Variants in NRG2 observed in about 807,000 individuals in gnomAD.
The protein encoded by NRG2 is pro-neuregulin-2, membrane-bound isoform.
NRG2 carries 27 observed loss-of-function variants against 73.9 expected under a neutral mutation model. The ratio of observed to expected loss-of-function variants is 0.37; its 90% CI spans 0.27 to 0.50. The LOEUF (loss-of-function observed/expected upper bound fraction) is 0.50, where lower values mean the gene tolerates loss of function less well. Among genes scored for constraint, NRG2 ranks in the 20% least tolerant of loss-of-function variants. The pLI is 0.96. For missense variants in NRG2, 1,126 were observed against 1,210.1 expected (o/e 0.93, Z 1.03); for synonymous variants, 532 against 541.0 (o/e 0.98, Z 0.23).
At chr5:139,911,580 C>A (rs1750824315) in intron 1 of NRG2, among the ~76,000 whole-genome samples, 1 of 152,202 alleles carries the variant, frequency 6.6e-6, no homozygotes, top group Non-Finnish European at 1.5e-5. Context: ...CGGCATGGTA[C>A]CAGGCCCTGC....
intron 1 of NRG2, among the ~76,000 whole-genome samples, chr5:139,895,661 A>C (rs1164826532): frequency 6.6e-6 from 1 of 152,094 alleles, no homozygotes; most frequent in Non-Finnish European, 1.5e-5. Flanking sequence ...GCCTCAGTTG[A>C]CTCATTTATA....
At chr5:140,042,324 C>A in intron 1 of NRG2, 46 bp downstream of exon 1, 1 of 1,420,760 alleles carries the variant, frequency 7.0e-7, no homozygotes, top group Non-Finnish European at 9.4e-7. Flanking sequence ...TTCTCCACCA[C>A]CTCGCCCCTC....
In NRG2 at chr5:140,043,190, C is replaced by A. The variant is rs1285562688; in HGVS notation, c.-121G>T. The A allele has an allele frequency of 5.3e-5, 64 of 1,214,876 alleles. No homozygotes were observed. Among genetic ancestry groups the A allele is most frequent in the Non-Finnish European group, 6.8e-5 (62 of 905,598 alleles). The allele number at this position is 1,214,876 out of a possible 1,614,324, so 75.3% of individuals were successfully genotyped here. ...GCGCCTCTTAGCCCTCCACCGGCAGCCCGGGGAGGTGGCCCAGCTAGGGCA... is the reference window on the plus strand; with the variant it reads ...GCGCCTCTTAGCCCTCCACCGGCAGACCGGGGAGGTGGCCCAGCTAGGGCA... On this transcript the variant is annotated 5_prime_UTR_variant, in exon 1 of 10. Transcript: ENST00000361474. This position sits in a 1 kb window ranked among gnomAD's most constrained non-coding sequence, Gnocchi z 6.7.
At position 139,899,578 on chromosome 5, in the gene NRG2, G is replaced by T. The variant is rs564721655; in HGVS notation, c.701-12067C>A. ...TCCTGCCTATTTGTGCAGGCTCAAGGCCTCAGTGCTACCCTCCTCTGTCAG... is the reference window on the plus strand; with the variant it reads ...TCCTGCCTATTTGTGCAGGCTCAAGTCCTCAGTGCTACCCTCCTCTGTCAG... On this transcript the variant is annotated intron_variant, in intron 1 of 9. Coordinates refer to ENST00000361474, the MANE Select transcript of NRG2 (RefSeq NM_004883.3). Among the ~76,000 whole-genome samples the T allele has an allele frequency of 7.9e-5, 12 of 152,308 alleles. No homozygotes were observed. In the East Asian group the frequency reaches 1.9e-3, roughly 24 times the overall value.
In NRG2 at chr5:139,880,970, T is replaced by C; in HGVS notation, c.877A>G (p.Asn293Asp). 2 of 1,613,800 alleles carry C rather than the reference T, an allele frequency of 1.2e-6. No individual in the cohort carries two copies. Among genetic ancestry groups the C allele is most frequent in the Non-Finnish European group, 1.7e-6 (2 of 1,179,700 alleles). ...ACCTTGTTGAACTGTAGTCGTGAGT[T>C]CTTTCTGGTTAGGGAGGGGATAAAA... is the stretch of plus-strand genomic sequence containing the variant. The part of the protein sequence containing the change: ...IRIKYGNGRK[N>D]SRLQFNKVKV... Residue 293 changes from asparagine (N) to aspartate (D), a missense_variant, in exon 3 of 10, where the codon AAC becomes GAC. By Grantham distance (23) the Asn-to-Asp change is conservative. This residue lies in a region of NRG2 where 539 missense variants were observed against 703.2 expected (regional missense o/e 0.77). Transcript: ENST00000361474.
intron 1 of NRG2, among the ~76,000 whole-genome samples, chr5:140,022,757 T>C (rs2974422): frequency 0.62 from 93,814 of 152,118 alleles, 29,110 homozygotes; most frequent in East Asian, 0.82. Flanking sequence ...ATAAAGTGTT[T>C]AGAACAGTGC....
At chr5:139,881,429 T>C (rs1434325632) in intron 2 of NRG2, among the ~76,000 whole-genome samples, 1 of 152,176 alleles carries the variant, frequency 6.6e-6, no homozygotes, top group Non-Finnish European at 1.5e-5. Flanking sequence ...CGGATTCCCA[T>C]GGTGATGGTG....
chr5:139,905,229 G>T (rs961470724), intron 1 of NRG2, among the ~76,000 whole-genome samples: 1 of 152,110 alleles, frequency 6.6e-6, no homozygotes. Flanking sequence ...CCCCGCCCCG[G>T]TCCCACAAAC....
At chr5:140,025,513 T>A (rs940514226) in intron 1 of NRG2, among the ~76,000 whole-genome samples, 1 of 152,184 alleles carries the variant, frequency 6.6e-6, no homozygotes, top group African/African-American at 2.4e-5. Context: ...TACAGTAGTA[T>A]AAAAAACAGC....
chr5:139,964,300 G>A (rs1021329420), intron 1 of NRG2, among the ~76,000 whole-genome samples: 1 of 151,614 alleles, frequency 6.6e-6, no homozygotes. Context: ...TCTCCTTTCC[G>A]GCCTAAAGAA....
rs1237213557 is a variant in NRG2, at chr5:139,853,933, A to G, written c.1293-906T>C. On this transcript the variant is annotated intron_variant, in intron 6 of 9. Coordinates refer to ENST00000361474, the MANE Select transcript of NRG2 (RefSeq NM_004883.3). The surrounding 1 kb of genome is among the most constrained non-coding windows in gnomAD (Gnocchi z 4.1). ...GTATAACTGGATTGCTTGTAACACAAAGGTCCACGAGGACCCATCAGTTTG... is the reference window on the plus strand; with the variant it reads ...GTATAACTGGATTGCTTGTAACACAGAGGTCCACGAGGACCCATCAGTTTG... 6.6e-6 allele frequency among the ~76,000 whole-genome samples: 1 copy of G among 152,200 alleles called. No homozygotes were observed.
At chr5:139,965,746 A>G (rs1478483983) in intron 1 of NRG2, among the ~76,000 whole-genome samples, 1 of 152,198 alleles carries the variant, frequency 6.6e-6, no homozygotes, top group African/African-American at 2.4e-5. Context: ...GACAGTGCTA[A>G]AAGGAAGAGC....
At chr5:139,911,022 G>A (rs571406302) in intron 1 of NRG2, among the ~76,000 whole-genome samples, 3 of 152,128 alleles carry the variant, frequency 2.0e-5, no homozygotes, top group South Asian at 2.1e-4. Flanking sequence ...GGCTCCAGGG[G>A]CCGGGAGAAG....
Position 140,008,320 on chromosome 5 carries a change from C to T in NRG2, c.700+34050G>A, listed in dbSNP as rs1045264709. Among the ~76,000 whole-genome samples, 2 of 152,196 alleles carry T rather than the reference C, an allele frequency of 1.3e-5. No homozygotes were observed. Among genetic ancestry groups the T allele is most frequent in the Non-Finnish European group, 2.9e-5 (2 of 68,020 alleles). On this transcript the variant is annotated intron_variant, in intron 1 of 9. Coordinates refer to ENST00000361474, the MANE Select transcript of NRG2 (RefSeq NM_004883.3). The surrounding 1 kb of genome is among the most constrained non-coding windows in gnomAD (Gnocchi z 4.2). The stretch of plus-strand genomic sequence containing the variant: ...AGGGCTCTTGTTCCACTAGGGCTAT[C>T]GCTGGCCCCTTTTACTGGATAGCTG...
intron 1 of NRG2, among the ~76,000 whole-genome samples, chr5:140,015,427 A>G (rs1759690397): frequency 6.6e-6 from 1 of 152,194 alleles, no homozygotes; most frequent in Admixed American, 6.5e-5. Context: ...TAAATGGTCT[A>G]TTTATCACTA....
Position 139,887,604 on chromosome 5 carries a change from G to A in NRG2, c.701-93C>T. ...GAGTAAGGGCCACTGTCTTTGGGCT[G>A]GAACTGGGGAAGGGAAGGGTGATCC... On this transcript the variant is annotated intron_variant, in intron 1 of 9. Coordinates refer to ENST00000361474, the MANE Select transcript of NRG2 (RefSeq NM_004883.3). The surrounding 1 kb of genome is among the most constrained non-coding windows in gnomAD (Gnocchi z 4.5). The A allele has an allele frequency of 5.1e-6, 6 of 1,168,674 alleles. No homozygotes were observed. Among genetic ancestry groups the A allele is most frequent in the Non-Finnish European group, 7.4e-6 (6 of 811,750 alleles). 72.4% of individuals were successfully genotyped at this position (1,168,674 alleles called of 1,614,324 possible). A position where few individuals can be genotyped will look rare whatever the true frequency, so the allele number is the denominator to read the frequency against.
chr5:139,899,959 A>G (rs1764772420), intron 1 of NRG2, among the ~76,000 whole-genome samples: 1 of 152,242 alleles, frequency 6.6e-6, no homozygotes, highest in Non-Finnish European at 1.5e-5. Context: ...AGTGAGGATG[A>G]TAAAATAATA....
Position 140,042,668 on chromosome 5 carries a change from C to T in NRG2, c.402G>A (p.Lys134=). ...AYKAPVVVEG[K]VQGLVPAGGS... is the part of the protein sequence containing the mutation. ...CGCCGGCTGGGACCAGCCCCTGTAC[C>T]TTGCCCTCCACCACCACGGGTGCCT... The change falls in exon 1 of 10, where the codon AAG becomes AAA. Residue 134 remains lysine, a synonymous_variant. Transcript: ENST00000361474. 3 of 1,594,512 alleles carry T rather than the reference C, an allele frequency of 1.9e-6. No homozygotes were observed. The highest frequency in any genetic ancestry group is 2.7e-5 in the African/African-American group (2 of 74,594).
At chr5:139,861,870 GA>G (rs1003825277) in intron 5 of NRG2, 2 of 454,862 alleles carry the variant, frequency 4.4e-6, no homozygotes, top group Non-Finnish European at 8.8e-6. Flanking sequence ...TGCCCTGAGA[GA>G]ACAGCCCAGC....
Sources: allele counts gnomAD v4.1 joint callset (sites outside exome capture counted in the v4.1 genomes callset), GRCh38; gene constraint gnomAD v4.1.1; regional missense constraint gnomAD v4.1.1; non-coding constraint Gnocchi (gnomAD v3.1); transcripts MANE v1.5; gene names NCBI Gene and HGNC (gene_info 2026-07-23, HGNC 2026-07-21).